The following TSC2 variants were observed in gnomAD, a reference collection of about 807,000 sequenced individuals.
TSC2 encodes the protein TSC complex subunit 2, also known as tuberin.
Under a neutral mutation model 202.2 loss-of-function variants are expected in TSC2, and 29 were observed. The observed-to-expected ratio is 0.14, with a 90% confidence interval of 0.11 to 0.20. TSC2 has a LOEUF of 0.20. Among genes scored for constraint, TSC2 ranks in the 10% least tolerant of loss-of-function variants. The pLI is 1.00. For missense variants in TSC2, 2,429 were observed against 2,420.0 expected (o/e 1.00, Z -0.08); for synonymous variants, 1,349 against 1,044.0 (o/e 1.29, Z -5.63).
At position 2,088,951 on chromosome 16, in the gene TSC2, A is replaced by G. The variant is rs537187222; in HGVS notation, c.*341A>G. The G allele has an allele frequency of 2.3e-5, 8 of 344,172 alleles. No individual in the cohort carries two copies. The highest frequency in any genetic ancestry group is 9.0e-5 in the Admixed American group (2 of 22,168). 21.3% of individuals were successfully genotyped at this position (344,172 alleles called of 1,614,324 possible). ...GCCCCCAGGAGGAGTCTTTTCCTCT[A>G]ACCACCCTGGGGTCCTCTGACATGC... On this transcript the variant is annotated 3_prime_UTR_variant, in exon 42 of 42. Transcript: ENST00000219476.
Position 2,084,692 on chromosome 16 carries a change from G to T in TSC2, c.4470G>T (p.Glu1490Asp), listed in dbSNP as rs1221986548. The change falls in exon 34 of 42, where the codon GAG becomes GAT. Residue 1490 changes from glutamate (E) to aspartate (D), a missense_variant. Coordinates refer to ENST00000219476, the MANE Select transcript of TSC2 (RefSeq NM_000548.5). ...GCAGAGCCACAGCCTCCAATGCAGA[G>T]AAAGTGCCAGGCATCAACCCCAGGT... Reference protein sequence around the residue: ...LKSRATASNAEKVPGINPSFV... With the variant: ...LKSRATASNADKVPGINPSFV... The T allele has an allele frequency of 4.4e-6, 7 of 1,598,422 alleles. No individual in the cohort carries two copies. In the South Asian group the frequency reaches 7.7e-5, roughly 18 times the overall value.
rs566416126 is a variant in TSC2, at chr16:2,050,692, A to C, written c.225+206A>C. 2.6e-5 allele frequency among the ~76,000 whole-genome samples: 4 copies of C among 151,186 alleles called. No homozygotes were observed. In the East Asian group the frequency reaches 7.9e-4, roughly 30 times the overall value. On this transcript the variant is annotated intron_variant, in intron 3 of 41. Transcript: ENST00000219476. ...CTGCAGCCTCTGCCTCCTGGGTTCA[A>C]GCAGTTCTCCTGCCTCAGCCTCCTG...
In TSC2 at chr16:2,054,262, C is replaced by T. The variant is rs2085491042; in HGVS notation, c.337-34C>T. ...TTGGCAGCCGTGTGGGCGACGCTGGCAGGCTCTGCTGATCCTGTGGCTTTT... is the reference window on the plus strand; with the variant it reads ...TTGGCAGCCGTGTGGGCGACGCTGGTAGGCTCTGCTGATCCTGTGGCTTTT... On this transcript the variant is annotated intron_variant, in intron 4 of 41. Transcript: ENST00000219476. The T allele has an allele frequency of 1.9e-6, 3 of 1,613,964 alleles. No individual in the cohort carries two copies. In the African/African-American group the frequency reaches 4.0e-5, roughly 22 times the overall value.
intron 3 of TSC2, among the ~76,000 whole-genome samples, chr16:2,051,171 T>C (rs2085068769): frequency 6.6e-6 from 1 of 151,818 alleles, no homozygotes; most frequent in South Asian, 2.1e-4. Context: ...TAAAAGATGA[T>C]GAGCCGGGCA....
Position 2,057,192 on chromosome 16 carries a change from G to T in TSC2, c.848+14G>T. The T allele has an allele frequency of 1.9e-6, 3 of 1,551,662 alleles. No homozygotes were observed. Among genetic ancestry groups the T allele is most frequent in the Non-Finnish European group, 2.6e-6 (3 of 1,146,998 alleles). On this transcript the variant is annotated intron_variant, in intron 9 of 41. Transcript: ENST00000219476. ...CATGGAGGACAGGTGAGTGTGGTGGGTGGGGCGCAGGGCAGTGGAGGCCAG... is the reference window on the plus strand; with the variant it reads ...CATGGAGGACAGGTGAGTGTGGTGGTTGGGGCGCAGGGCAGTGGAGGCCAG...
rs137854104 is a variant in TSC2, at chr16:2,071,803, GAGA to G, written c.1973_1975del (p.Lys658del). 38 of 1,605,936 alleles carry G rather than the reference GAGA, an allele frequency of 2.4e-5. No homozygotes were observed. The highest frequency in any genetic ancestry group is 3.4e-5 in the Admixed American group (2 of 59,252). ...CTGCAGGGAGCCAGAGAGAGGCTCT[GAGA>G]AGAAGACCAGCGGCCCCCTTTCTCC... is the stretch of plus-strand genomic sequence containing the variant. On this transcript the variant is annotated inframe_deletion, in exon 19 of 42. Transcript: ENST00000219476.
chr16:2,056,101 C>A (rs898753910), intron 6 of TSC2, 95 bp from the exon 7 acceptor site: 1 of 1,520,340 alleles, frequency 6.6e-7, no homozygotes, highest in Non-Finnish European at 9.0e-7. Flanking sequence ...ATGAGCCATG[C>A]GTGTTATTGA....
chr16:2,060,472 C>T (rs568918002), intron 10 of TSC2, among the ~76,000 whole-genome samples, 198 bp from the exon 11 acceptor site: 27 of 152,290 alleles, frequency 1.8e-4, no homozygotes, highest in Non-Finnish European at 2.5e-4. Context: ...GGGTGGGGCC[C>T]GTCTGGGTCC....
At chr16:2,081,886 G>A in intron 31 of TSC2, 88 bp downstream of exon 31, 1 of 1,535,184 alleles carries the variant, frequency 6.5e-7, no homozygotes, top group Non-Finnish European at 8.8e-7. Flanking sequence ...CTCTGCTGAG[G>A]GCGCCCACAC....
At chr16:2,072,533 C>G in intron 20 of TSC2, 170 bp downstream of exon 20, 1 of 1,082,388 alleles carries the variant, frequency 9.2e-7, no homozygotes, top group East Asian at 2.5e-5. Flanking sequence ...TGGAGGGACC[C>G]CTGCCCCAGC....
At chr16:2,049,366 A>C (rs1596239191) in intron 2 of TSC2, among the ~76,000 whole-genome samples, 1 of 151,796 alleles carries the variant, frequency 6.6e-6, no homozygotes, top group Non-Finnish European at 1.5e-5. Flanking sequence ...GATTACAGGC[A>C]TGAGCCATCG....
chr16:2,059,521 T>TG (rs1437340968), intron 10 of TSC2, among the ~76,000 whole-genome samples: 1 of 145,824 alleles, frequency 6.9e-6, no homozygotes, highest in Non-Finnish European at 1.5e-5. Flanking sequence ...TTTTTTTTTT[T>TG]TTTTTTTTTT....
intron 34 of TSC2, 87 bp from the exon 35 acceptor site, chr16:2,084,864 A>G (rs894258772): frequency 6.2e-7 from 1 of 1,603,090 alleles, no homozygotes; most frequent in Non-Finnish European, 8.5e-7. Context: ...GGAGTGGGAG[A>G]TGGCCAGGCT....
Position 2,061,046 on chromosome 16 carries a change from C to T in TSC2, c.1119+233C>T, listed in dbSNP as rs139167052. ...AGACAGGAATATGCAGTAGGTGAGC[C>T]GGGGCTGGGCCAGTGCTGTCCACAG... On this transcript the variant is annotated intron_variant, in intron 11 of 41. Transcript: ENST00000219476. 1.4e-3 allele frequency: 812 copies of T among 580,964 alleles called. 5 individuals carry two copies. The highest frequency in any genetic ancestry group is 0.013 in the African/African-American group (671 of 53,656). The allele number at this position is 580,964 out of a possible 1,614,324, so 36.0% of individuals were successfully genotyped here.
intron 20 of TSC2, 94 bp from the exon 21 acceptor site, chr16:2,072,755 C>T (rs1024666410): frequency 7.5e-6 from 12 of 1,600,196 alleles, no homozygotes; most frequent in African/African-American, 2.7e-5. Context: ...TGCCCCCTTT[C>T]CTGGGCCTGC....
intron 21 of TSC2, 149 bp downstream of exon 21, chr16:2,073,132 G>A (rs1458819254): frequency 2.3e-6 from 3 of 1,287,620 alleles, no homozygotes; most frequent in Non-Finnish European, 3.2e-6. Context: ...GCTGCCAGAT[G>A]CCCAGAGTGG....
At chr16:2,050,546 T>C (rs2084976624) in intron 3 of TSC2, 60 bp downstream of exon 3, 1 of 1,519,316 alleles carries the variant, frequency 6.6e-7, no homozygotes, top group Non-Finnish European at 9.1e-7. Flanking sequence ...AGCCTGAGTT[T>C]GCTTTTTTTA....
At chr16:2,080,124 C>G in intron 29 of TSC2, 41 bp from the exon 30 acceptor site, 1 of 1,609,006 alleles carries the variant, frequency 6.2e-7, no homozygotes, top group Non-Finnish European at 8.5e-7. Flanking sequence ...GGTTTTGCAT[C>G]AGGTAAGTGG....
rs749646938 is a variant in TSC2 at position 2,079,008 on chromosome 16, C to T, written c.2967-24C>T. 1.2e-6 allele frequency: 2 copies of T among 1,611,680 alleles called. No individual in the cohort carries two copies. The highest frequency in any genetic ancestry group is 8.5e-7 in the Non-Finnish European group (1 of 1,179,968). On this transcript the variant is annotated intron_variant, in intron 26 of 41. Transcript: ENST00000219476. The surrounding 1 kb of genome is among the most constrained non-coding windows in gnomAD (Gnocchi z 4.6). ...GGCCCGCCCTACCTGGCACCCTGAC[C>T]CTGGTCACGGCCTCTCCCTCCAGCA...
Sources: gnomAD v4.1 joint callset for allele counts (sites outside exome capture counted in the v4.1 genomes callset) on GRCh38, gnomAD v4.1.1 for gene constraint, Gnocchi (gnomAD v3.1) non-coding constraint, MANE v1.5 for transcripts, NCBI Gene and HGNC (gene_info 2026-07-23, HGNC 2026-07-21) for gene names.